Variants in ASPH observed in about 807,000 individuals in gnomAD.
ASPH encodes aspartyl/asparaginyl beta-hydroxylase.
A neutral mutation model predicts 118.4 loss-of-function variants in ASPH; 100 were observed. The ratio of observed to expected loss-of-function variants is 0.84; its 90% CI spans 0.72 to 1.00. The LOEUF (loss-of-function observed/expected upper bound fraction) is 1.00, where lower values mean the gene tolerates loss of function less well. Among genes scored for constraint, ASPH ranks in the 50% least tolerant of loss-of-function variants. The pLI, the probability that ASPH is intolerant of heterozygous loss-of-function variation, is 0.00. For missense variants in ASPH, 920 were observed against 919.5 expected (o/e 1.00, Z -0.01); for synonymous variants, 315 against 325.6 (o/e 0.97, Z 0.35).
At chr8:61,517,442 T>A in intron 24 of ASPH, 86 bp downstream of exon 24, 1 of 1,524,022 alleles carries the variant, frequency 6.6e-7, no homozygotes, top group Admixed American at 1.9e-5. Context: ...CAAAAGAAGA[T>A]AAGTAATCCA....
At chr8:61,520,043 T>A (rs558294874) in intron 22 of ASPH, among the ~76,000 whole-genome samples, 2 of 152,352 alleles carry the variant, frequency 1.3e-5, no homozygotes, top group South Asian at 4.1e-4. Context: ...GCCAAAACAC[T>A]ATTTTTATTG....
Position 61,714,402 on chromosome 8 carries a change from G to T in ASPH, c.-31C>A. On this transcript the variant is annotated 5_prime_UTR_variant, in exon 1 of 25. Transcript: ENST00000379454. Reference sequence around the variant, plus strand: ...GGTCCGCGGGGGCTGGTGAGGGCTGGCGGACCTCCTTCAGTGCGCGGGGGT... The same window carrying T: ...GGTCCGCGGGGGCTGGTGAGGGCTGTCGGACCTCCTTCAGTGCGCGGGGGT... 1 of 1,467,660 alleles carries T rather than the reference G, an allele frequency of 6.8e-7. No individual in the cohort carries two copies. The highest frequency in any genetic ancestry group is 9.0e-7 in the Non-Finnish European group (1 of 1,106,712). The allele number at this position is 1,467,660 out of a possible 1,614,324, so 90.9% of individuals were successfully genotyped here.
At chr8:61,559,524 T>C (rs1829043416) in intron 18 of ASPH, among the ~76,000 whole-genome samples, 1 of 152,172 alleles carries the variant, frequency 6.6e-6, no homozygotes, top group South Asian at 2.1e-4. Context: ...CACAACCTCA[T>C]ACAGCCGACA....
rs777323994 is a variant in ASPH, at chr8:61,555,979, T to C, written c.1481A>G (p.Tyr494Cys). The C allele has an allele frequency of 1.2e-6, 2 of 1,614,072 alleles. No homozygotes were observed. Among genetic ancestry groups the C allele is most frequent in the Non-Finnish European group, 8.5e-7 (1 of 1,179,986 alleles). The change falls in exon 19 of 25, where the codon TAT becomes TGT. Residue 494 changes from tyrosine to cysteine, a missense_variant. Coordinates refer to ENST00000379454, the MANE Select transcript of ASPH (RefSeq NM_004318.4). ...GTTCTGTGCCTTCAGGATGAAGCCA[T>C]AATGGACTTTAGCAAAGCCATCATT... ...TPNDGFAKVH[Y>C]GFILKAQNKI...
At chr8:61,675,939 A>G (rs1825073855) in intron 3 of ASPH, 1 of 1,501,710 alleles carries the variant, frequency 6.7e-7, no homozygotes, top group Non-Finnish European at 8.8e-7. Context: ...ACTGGGCAAG[A>G]TCACATGGTT....
intron 12 of ASPH, among the ~76,000 whole-genome samples, chr8:61,634,801 T>C (rs568544342): frequency 6.6e-5 from 10 of 152,322 alleles, no homozygotes; most frequent in African/African-American, 2.4e-4. Context: ...GCTCAAAATA[T>C]TGTACATCAT....
intron 19 of ASPH, 22 bp downstream of exon 19, chr8:61,555,897 AAGGAG>A: frequency 6.3e-7 from 1 of 1,593,586 alleles, no homozygotes. Flanking sequence ...TGAAAGATGA[AAGGAG>A]AGGAGAAGCA....
intron 14 of ASPH, among the ~76,000 whole-genome samples, chr8:61,605,337 G>T (rs541242875): frequency 7.9e-5 from 12 of 152,272 alleles, no homozygotes; most frequent in African/African-American, 2.6e-4. Context: ...GGAAAGTAAT[G>T]ATAATAGTTG....
chr8:61,704,762 C>T (rs1836176047), intron 1 of ASPH, among the ~76,000 whole-genome samples: 1 of 152,006 alleles, frequency 6.6e-6, no homozygotes. Context: ...CAAATGTAAA[C>T]TACAGTAAGA....
chr8:61,606,338 C>T (rs958787751), intron 14 of ASPH: 3 of 152,116 alleles, frequency 2.0e-5, no homozygotes, highest in African/African-American at 7.2e-5. Flanking sequence ...GTCAGTGATC[C>T]TTGGGGGAGA....
At chr8:61,513,954 G>A (rs2129616475) in intron 24 of ASPH, among the ~76,000 whole-genome samples, 1 of 152,236 alleles carries the variant, frequency 6.6e-6, no homozygotes, top group East Asian at 1.9e-4. Flanking sequence ...ACCTACAAAT[G>A]TGCTCCTGAG....
intron 13 of ASPH, chr8:61,632,632 T>C: frequency 2.0e-6 from 1 of 492,004 alleles, no homozygotes; most frequent in Non-Finnish European, 4.0e-6. Flanking sequence ...CATATTATAA[T>C]ACCAACAATT....
At chr8:61,629,950 C>T (rs1189832939) in intron 13 of ASPH, among the ~76,000 whole-genome samples, 1 of 152,144 alleles carries the variant, frequency 6.6e-6, no homozygotes, top group Non-Finnish European at 1.5e-5. Context: ...CCTCAGTGTT[C>T]TCATCTGTAA....
At chr8:61,707,239 TA>T (rs763178106) in intron 1 of ASPH, among the ~76,000 whole-genome samples, 8,511 of 145,216 alleles carry the variant, frequency 0.059, 296 homozygotes, top group African/African-American at 0.11. Context: ...TTCAGGATAT[TA>T]AAAAAAAAAA....
chr8:61,666,188 C>T (rs1025190491), intron 3 of ASPH, among the ~76,000 whole-genome samples: 1 of 152,078 alleles, frequency 6.6e-6, no homozygotes, highest in African/African-American at 2.4e-5. Context: ...AATTAGAATT[C>T]TCTTTCTGCT....
intron 15 of ASPH, among the ~76,000 whole-genome samples, 173 bp downstream of exon 15, chr8:61,583,771 A>G (rs1223329165): frequency 2.0e-5 from 3 of 152,066 alleles, no homozygotes; most frequent in Admixed American, 1.3e-4. Context: ...TGTGGTAGCA[A>G]TTCTCTTCCA....
chr8:61,651,654 A>T (rs1346288186), intron 4 of ASPH, among the ~76,000 whole-genome samples: 1 of 152,224 alleles, frequency 6.6e-6, no homozygotes, highest in Non-Finnish European at 1.5e-5. Flanking sequence ...CAGGTTTGTC[A>T]GGAAGTGTCA....
intron 22 of ASPH, among the ~76,000 whole-genome samples, chr8:61,521,077 G>T (rs943452706): frequency 6.6e-6 from 1 of 152,202 alleles, no homozygotes; most frequent in African/African-American, 2.4e-5. Context: ...GTTCCTTGAT[G>T]CTCACGACAG....
At chr8:61,583,541 CAAAAA>C (rs11311318) in intron 15 of ASPH, 14 of 112,900 alleles carry the variant, frequency 1.2e-4, no homozygotes, top group South Asian at 5.4e-4. Flanking sequence ...AGGCTCTGTC[CAAAAA>C]AAAAAAAAAA....
Sources: allele counts gnomAD v4.1 joint callset (sites outside exome capture counted in the v4.1 genomes callset), GRCh38; gene constraint gnomAD v4.1.1; transcripts MANE v1.5; gene names NCBI Gene and HGNC (gene_info 2026-07-23, HGNC 2026-07-21).